The following CCDC85A variants were observed in gnomAD, a reference collection of about 807,000 sequenced individuals.
CCDC85A encodes the protein coiled-coil domain-containing protein 85A.
A neutral mutation model predicts 50.2 loss-of-function variants in CCDC85A; 38 were observed. The observed-to-expected ratio is 0.76, with a 90% CI of 0.58 to 0.99. CCDC85A has a LOEUF of 0.99. CCDC85A is among the 50% of genes least tolerant of loss of function. CCDC85A has a pLI of 0.00. For missense variants in CCDC85A, 820 were observed against 742.0 expected (o/e 1.11, Z -1.22); for synonymous variants, 366 against 301.4 (o/e 1.21, Z -2.22).
rs773463689 is a variant in CCDC85A, at chr2:56,193,434, A to G, written c.1234A>G (p.Met412Val). 3.7e-6 allele frequency: 6 copies of G among 1,602,460 alleles called. No individual in the cohort carries two copies. In the Admixed American group the frequency reaches 1.0e-4, roughly 27 times the overall value. ...CCATCACCGGAATGTCTACAGTGGC[A>G]TGAACGGTGGGTCAGTATGTGCTGG... is the stretch of plus-strand genomic sequence containing the variant. Reference protein sequence around the residue: ...SPHHRNVYSGMNESTLSYVRQ... With the variant: ...SPHHRNVYSGVNESTLSYVRQ... The change falls in exon 2 of 6, where the codon ATG becomes GTG. Residue 412 changes from methionine to valine, a missense_variant. Transcript: ENST00000407595.
chr2:56,246,335 T>A (rs2103979129), intron 2 of CCDC85A, among the ~76,000 whole-genome samples: 1 of 152,354 alleles, frequency 6.6e-6, no homozygotes, highest in Middle Eastern at 3.4e-3. Flanking sequence ...TGGATTGTCT[T>A]ATTACATTCC....
At chr2:56,293,544 C>G (rs1180917552) in intron 2 of CCDC85A, among the ~76,000 whole-genome samples, 1 of 151,952 alleles carries the variant, frequency 6.6e-6, no homozygotes, top group African/African-American at 2.4e-5. Context: ...AACAGGCAAC[C>G]TACAGAATGG....
At chr2:56,299,195 A>G (rs1218537408) in intron 2 of CCDC85A, among the ~76,000 whole-genome samples, 2 of 152,160 alleles carry the variant, frequency 1.3e-5, no homozygotes, top group Non-Finnish European at 2.9e-5. Context: ...CTCCTGGCCT[A>G]GTGCACTTAG....
At chr2:56,201,589 A>T (rs1376908727) in intron 2 of CCDC85A, among the ~76,000 whole-genome samples, 2 of 152,098 alleles carry the variant, frequency 1.3e-5, no homozygotes, top group Non-Finnish European at 1.5e-5. Context: ...AGTGTCCATA[A>T]TTGCTAGTTC....
intron 5 of CCDC85A, among the ~76,000 whole-genome samples, chr2:56,381,108 T>G (rs1676564969): frequency 6.6e-6 from 1 of 152,198 alleles, no homozygotes; most frequent in Middle Eastern, 3.4e-3. Context: ...TGCTTGCCTG[T>G]GTTGTGGCTG....
At chr2:56,256,395 A>G (rs1454727527) in intron 2 of CCDC85A, among the ~76,000 whole-genome samples, 14 of 152,124 alleles carry the variant, frequency 9.2e-5, no homozygotes, top group Non-Finnish European at 1.6e-4. Context: ...TATTATTACT[A>G]TTTATTAAGT....
chr2:56,258,813 G>A (rs534219548), intron 2 of CCDC85A, among the ~76,000 whole-genome samples: 26 of 152,300 alleles, frequency 1.7e-4, no homozygotes, highest in Middle Eastern at 6.8e-3. Flanking sequence ...ACTGAAGTAC[G>A]GAGATTTTGA....
intron 2 of CCDC85A, among the ~76,000 whole-genome samples, chr2:56,194,748 G>A (rs1676458780): frequency 6.6e-6 from 1 of 152,158 alleles, no homozygotes; most frequent in African/African-American, 2.4e-5. Flanking sequence ...TCTGTCGTTG[G>A]GAGGTGGAGG....
chr2:56,310,078 A>T (rs1672621243), intron 2 of CCDC85A, among the ~76,000 whole-genome samples: 1 of 152,138 alleles, frequency 6.6e-6, no homozygotes, highest in Non-Finnish European at 1.5e-5. Context: ...TAAATAAATT[A>T]CTTTCTCCAG....
At chr2:56,250,103 T>C in intron 2 of CCDC85A, among the ~76,000 whole-genome samples, 1 of 152,274 alleles carries the variant, frequency 6.6e-6, no homozygotes, top group Non-Finnish European at 1.5e-5. Context: ...AAGCAAGGAC[T>C]GTGAGGTTAT....
rs979239300 is a variant in CCDC85A at position 56,184,362 on chromosome 2, C to T, written c.-263C>T. The stretch of plus-strand genomic sequence containing the variant: ...GCTCCCCAGTGCCCCTCACCATGGA[C>T]TTGCGCGGAGTTGGGACGGGCCTCG... On this transcript the variant is annotated 5_prime_UTR_variant, in exon 1 of 6. Transcript: ENST00000407595. 8.0e-6 allele frequency: 4 copies of T among 496,994 alleles called. No individual in the cohort carries two copies. The African/African-American group carries it at 8.2e-5, about 10-fold the overall frequency. The allele number at this position is 496,994 out of a possible 1,614,324, so 30.8% of individuals were successfully genotyped here.
intron 2 of CCDC85A, among the ~76,000 whole-genome samples, chr2:56,319,761 T>A (rs1390190652): frequency 1.3e-5 from 2 of 152,046 alleles, no homozygotes; most frequent in Non-Finnish European, 2.9e-5. Context: ...CAGGACCCTG[T>A]GTAATGTCTT....
chr2:56,291,203 CTT>C (rs1671688966), intron 2 of CCDC85A, among the ~76,000 whole-genome samples: 1 of 152,164 alleles, frequency 6.6e-6, no homozygotes, highest in African/African-American at 2.4e-5. Context: ...ATGTCTTAAT[CTT>C]TGAGTAGAGG....
rs955052506 is a variant in CCDC85A, at chr2:56,192,121, C to T, written c.277-356C>T. On this transcript the variant is annotated intron_variant, in intron 1 of 5. Transcript: ENST00000407595. The surrounding 1 kb of genome is among the most constrained non-coding windows in gnomAD (Gnocchi z 4.7). ...TAAGAGCCATAATAATTATTATCCC[C>T]TAAATGTTTGGGTAAAAATTGGATG... Among the ~76,000 whole-genome samples the T allele has an allele frequency of 6.6e-6, 1 of 152,174 alleles. No homozygotes were observed. Among genetic ancestry groups the T allele is most frequent in the East Asian group, 1.9e-4 (1 of 5,178 alleles).
intron 2 of CCDC85A, among the ~76,000 whole-genome samples, chr2:56,243,155 A>G (rs1669341229): frequency 6.8e-6 from 1 of 146,768 alleles, no homozygotes; most frequent in Non-Finnish European, 1.5e-5. Flanking sequence ...ACCTTCTTGT[A>G]CTTGAATATT....
At chr2:56,322,589 A>G (rs1238567374) in intron 2 of CCDC85A, among the ~76,000 whole-genome samples, 2 of 152,190 alleles carry the variant, frequency 1.3e-5, no homozygotes, top group Non-Finnish European at 2.9e-5. Context: ...CAAAACCACA[A>G]TGAGATACCA....
At position 56,372,406 on chromosome 2, in the gene CCDC85A, G is replaced by C. The variant is rs1676119993; in HGVS notation, c.1380G>C (p.Gly460=). Reference sequence around the variant, plus strand: ...GCTCAAATATGGAGAAAGGCTGGGGGTCCAGAGCCCGGCGGGTCTTGCAGT... The same window carrying C: ...GCTCAAATATGGAGAAAGGCTGGGGCTCCAGAGCCCGGCGGGTCTTGCAGT... ...RNSSNMEKGW[G]SRARRVLQWW... Residue 460 remains glycine (G), a synonymous_variant, in exon 4 of 6, where the codon GGG becomes GGC. Coordinates refer to ENST00000407595, the MANE Select transcript of CCDC85A (RefSeq NM_001080433.2). 2 of 1,605,444 alleles carry C rather than the reference G, an allele frequency of 1.2e-6. No individual in the cohort carries two copies. The highest frequency in any genetic ancestry group is 2.2e-5 in the East Asian group (1 of 44,516).
rs111673177 is a variant in CCDC85A, at chr2:56,220,734, T to C, written c.1240+27294T>C. Among the ~76,000 whole-genome samples the C allele has an allele frequency of 2.0e-3, 306 of 152,120 alleles. 1 individual carries two copies. Among genetic ancestry groups the C allele is most frequent in the Middle Eastern group, 6.8e-3 (2 of 294 alleles). On this transcript the variant is annotated intron_variant, in intron 2 of 5. Transcript: ENST00000407595. ...TGACAGGACAAAGCCACAAATGCAT[T>C]GTCTAAAAGCTAAGTAAGGTCGGCT...
intron 2 of CCDC85A, among the ~76,000 whole-genome samples, chr2:56,224,630 C>CT (rs1196588161): frequency 1.3e-5 from 2 of 152,024 alleles, no homozygotes; most frequent in Admixed American, 1.3e-4. Context: ...TATTGTTTGC[C>CT]TTTTTATTAT....
Sources: gnomAD v4.1 joint callset for allele counts (sites outside exome capture counted in the v4.1 genomes callset) on GRCh38, gnomAD v4.1.1 for gene constraint, Gnocchi (gnomAD v3.1) non-coding constraint, MANE v1.5 for transcripts, NCBI Gene and HGNC (gene_info 2026-07-23, HGNC 2026-07-21) for gene names.